Variants in CENPM observed in about 807,000 individuals in gnomAD.
CENPM encodes centromere protein M.
CENPM carries 14 observed loss-of-function variants against 19.6 expected under a neutral mutation model. That is an observed-to-expected ratio of 0.71 (90% CI 0.47 to 1.11). The LOEUF is 1.11. Among genes scored for constraint, CENPM ranks in the 50% most tolerant of loss-of-function variants. CENPM has a pLI of 0.00. For missense variants in CENPM, 239 were observed against 228.4 expected (o/e 1.05, Z -0.30); for synonymous variants, 114 against 101.5 (o/e 1.12, Z -0.74).
intron 4 of CENPM, 97 bp from the exon 5 acceptor site, chr22:41,943,798 G>GAA: frequency 2.8e-6 from 3 of 1,077,606 alleles, no homozygotes; most frequent in South Asian, 1.6e-5. Flanking sequence ...CCACTCTGGG[G>GAA]CTCAGTTTCT....
At chr22:41,941,496 G>T (rs956986570) in intron 5 of CENPM, among the ~76,000 whole-genome samples, 2 of 152,188 alleles carry the variant, frequency 1.3e-5, no homozygotes, top group Non-Finnish European at 2.9e-5. Context: ...CTTGTCACAG[G>T]GTGAGTAGGC....
At chr22:41,936,753 A>C (rs1220999519), downstream of CENPM, among the ~76,000 whole-genome samples, 1 of 152,102 alleles carries the variant, frequency 6.6e-6, no homozygotes, top group Non-Finnish European at 1.5e-5. Flanking sequence ...ACATGGCGAA[A>C]CCTGTGTCTA....
At chr22:41,936,134 T>C (rs2146597219), downstream of CENPM, among the ~76,000 whole-genome samples, 1 of 152,310 alleles carries the variant, frequency 6.6e-6, no homozygotes, top group Middle Eastern at 3.4e-3. Flanking sequence ...CCTCCCAAAG[T>C]GTTGGGATTA....
chr22:41,939,473 G>T (rs1479948648), intron 5 of CENPM, among the ~76,000 whole-genome samples: 1 of 152,164 alleles, frequency 6.6e-6, no homozygotes, highest in South Asian at 2.1e-4. Flanking sequence ...TGGCTAGGTC[G>T]AACAAACTGT....
chr22:41,945,184 T>A, intron 4 of CENPM, 41 bp downstream of exon 4: 1 of 1,613,568 alleles, frequency 6.2e-7, no homozygotes, highest in Non-Finnish European at 8.5e-7. Flanking sequence ...CAGCTTTCCC[T>A]TGGCTGGGGG....
intron 2 of CENPM, 146 bp from the exon 3 acceptor site, chr22:41,946,151 G>A: frequency 1.4e-6 from 1 of 739,180 alleles, no homozygotes; most frequent in Non-Finnish European, 2.3e-6. Flanking sequence ...ACGACTCCTT[G>A]GGCCAGCACA....
chr22:41,938,321 T>G (rs1720273806), downstream of CENPM, among the ~76,000 whole-genome samples: 1 of 150,950 alleles, frequency 6.6e-6, no homozygotes, highest in African/African-American at 2.5e-5. Context: ...TTTGTATTTT[T>G]AGTAGAGACA....
downstream of CENPM, among the ~76,000 whole-genome samples, chr22:41,933,921 G>A (rs940584579): frequency 1.3e-5 from 2 of 152,226 alleles, no homozygotes; most frequent in African/African-American, 4.8e-5. Flanking sequence ...CCCGTACCGA[G>A]CCACTGTCTG....
chr22:41,935,531 C>A (rs116758377), downstream of CENPM, among the ~76,000 whole-genome samples: 1,408 of 152,266 alleles, frequency 9.2e-3, 25 homozygotes, highest in African/African-American at 0.032. Context: ...TACTGCCCAT[C>A]CCTTCAGGGA....
At chr22:41,939,498 C>T (rs1312405723) in intron 5 of CENPM, among the ~76,000 whole-genome samples, 1 of 152,152 alleles carries the variant, frequency 6.6e-6, no homozygotes, top group African/African-American at 2.4e-5. Flanking sequence ...GGTCACCCAG[C>T]TAGTGACTCC....
downstream of CENPM, among the ~76,000 whole-genome samples, chr22:41,936,040 T>C (rs898954561): frequency 6.6e-6 from 1 of 152,114 alleles, no homozygotes; most frequent in Non-Finnish European, 1.5e-5. Context: ...TCGGCTAATT[T>C]TGTATTTTTA....
At chr22:41,937,640 C>T (rs138044896), downstream of CENPM, among the ~76,000 whole-genome samples, 578 of 152,312 alleles carry the variant, frequency 3.8e-3, 2 homozygotes, top group African/African-American at 0.012. Context: ...CAGCAACCTA[C>T]TCGCAGGCAT....
At chr22:41,931,070 A>G in the CENPM span, among the ~76,000 whole-genome samples, 1 of 151,422 alleles carries the variant, frequency 6.6e-6, no homozygotes, top group African/African-American at 2.4e-5. Context: ...TCCTGGTCTC[A>G]AGCGACCTGC....
At chr22:41,932,486 C>G in the CENPM span, among the ~76,000 whole-genome samples, 2 of 152,246 alleles carry the variant, frequency 1.3e-5, no homozygotes, top group African/African-American at 4.8e-5. The surrounding 1 kb of genome is among the most constrained non-coding windows in gnomAD (Gnocchi z 4.3). Context: ...GAAGCAGTCA[C>G]AAATCCTTGC....
At chr22:41,930,045 G>A in the CENPM span, among the ~76,000 whole-genome samples, 1 of 140,520 alleles carries the variant, frequency 7.1e-6, no homozygotes, top group Non-Finnish European at 1.5e-5. Context: ...CCAGGTTCAC[G>A]CCATTCTCCT....
At chr22:41,934,878 G>T (rs1416648821), downstream of CENPM, among the ~76,000 whole-genome samples, 3 of 152,176 alleles carry the variant, frequency 2.0e-5, no homozygotes, top group Non-Finnish European at 2.9e-5. Context: ...CCCAATTCCG[G>T]CACACACTGA....
intron 5 of CENPM, chr22:41,940,151 A>C: frequency 1.3e-6 from 1 of 772,114 alleles, no homozygotes; most frequent in Non-Finnish European, 2.4e-6. Context: ...TGAGCACACC[A>C]GGCAAGTCCC....
At chr22:41,929,430 AG>A in the CENPM span, among the ~76,000 whole-genome samples, 1 of 152,164 alleles carries the variant, frequency 6.6e-6, no homozygotes. Context: ...TGGCCCAGTG[AG>A]GCCAGAGTCG....
At chr22:41,936,413 C>T (rs373802507), downstream of CENPM, among the ~76,000 whole-genome samples, 147 of 152,350 alleles carry the variant, frequency 9.6e-4, 1 homozygote, top group African/African-American at 3.4e-3. Flanking sequence ...CCGGAATCTA[C>T]GTGGCTGAAG....
Sources: allele counts gnomAD v4.1 joint callset (sites outside exome capture counted in the v4.1 genomes callset), GRCh38; gene constraint gnomAD v4.1.1; non-coding constraint Gnocchi (gnomAD v3.1); transcripts MANE v1.5; gene names NCBI Gene and HGNC (gene_info 2026-07-23, HGNC 2026-07-21).